The following MAGI2 variants were observed in gnomAD, a reference collection of about 807,000 sequenced individuals.
The protein encoded by MAGI2 is membrane associated guanylate kinase, WW and PDZ domain containing 2, also known as membrane-associated guanylate kinase, WW and PDZ domain-containing protein 2.
In MAGI2, 35 loss-of-function variants were observed where a neutral mutation model predicts 133.3. The ratio of observed to expected loss-of-function variants is 0.26; its 90% CI spans 0.20 to 0.35. The LOEUF is 0.35. Among genes scored for constraint, MAGI2 ranks in the 10% least tolerant of loss-of-function variants. The pLI is 1.00. For missense variants in MAGI2, 1,636 were observed against 1,863.4 expected (o/e 0.88, Z 2.25); for synonymous variants, 729 against 710.6 (o/e 1.03, Z -0.41).
chr7:79,188,993 T>G (rs1462858472), intron 1 of MAGI2, among the ~76,000 whole-genome samples: 7 of 151,868 alleles, frequency 4.6e-5, no homozygotes, highest in Admixed American at 3.3e-4. Flanking sequence ...ATATTTTATG[T>G]GTATGCACAA....
intron 2 of MAGI2, among the ~76,000 whole-genome samples, chr7:78,698,854 A>C (rs1817779965): frequency 6.6e-6 from 1 of 152,118 alleles, no homozygotes; most frequent in African/African-American, 2.4e-5. Flanking sequence ...CATGAGGGTA[A>C]CCACCCCATG....
chr7:79,244,388 C>T (rs1235871288), intron 1 of MAGI2, among the ~76,000 whole-genome samples: 9 of 152,184 alleles, frequency 5.9e-5, no homozygotes, highest in Non-Finnish European at 1.3e-4. Context: ...ATTGCTGACA[C>T]TACCCCTCTC....
intron 4 of MAGI2, among the ~76,000 whole-genome samples, chr7:78,510,269 A>C (rs180761608): frequency 1.6e-4 from 25 of 152,316 alleles, no homozygotes; most frequent in African/African-American, 6.0e-4. Flanking sequence ...TGGGAGGTTG[A>C]ACAAGTTATT....
intron 2 of MAGI2, among the ~76,000 whole-genome samples, chr7:78,811,904 G>A (rs1789096165): frequency 1.3e-5 from 2 of 152,188 alleles, no homozygotes; most frequent in South Asian, 2.1e-4. Flanking sequence ...GCTGGGATGA[G>A]GGAAGTATTC....
intron 1 of MAGI2, among the ~76,000 whole-genome samples, chr7:79,151,054 T>TA (rs1371683023): frequency 3.9e-5 from 6 of 152,190 alleles, no homozygotes; most frequent in African/African-American, 9.6e-5. Flanking sequence ...GCAGACTTTT[T>TA]AAAAAAACAT....
intron 2 of MAGI2, among the ~76,000 whole-genome samples, chr7:78,923,904 T>C (rs957120548): frequency 2.6e-5 from 4 of 152,122 alleles, no homozygotes; most frequent in Admixed American, 2.6e-4. Flanking sequence ...TGAAGAGGTC[T>C]TTCACGTCCC....
intron 16 of MAGI2, among the ~76,000 whole-genome samples, chr7:78,142,137 G>A (rs1822826157): frequency 1.3e-5 from 2 of 152,090 alleles, no homozygotes; most frequent in Admixed American, 1.3e-4. Flanking sequence ...ATGTGACCTG[G>A]GCAGTCACAC....
intron 1 of MAGI2, among the ~76,000 whole-genome samples, chr7:79,031,261 A>T (rs763907327): frequency 9.2e-5 from 14 of 152,148 alleles, no homozygotes; most frequent in Non-Finnish European, 1.8e-4. Context: ...CATGGCATTT[A>T]CCACTATCTA....
At chr7:79,139,430 G>A (rs1159426347) in intron 1 of MAGI2, among the ~76,000 whole-genome samples, 1 of 152,168 alleles carries the variant, frequency 6.6e-6, no homozygotes, top group East Asian at 1.9e-4. Flanking sequence ...GACTCAGGGA[G>A]GTTACACTTG....
chr7:79,097,154 G>A (rs1817587139), intron 1 of MAGI2, among the ~76,000 whole-genome samples: 2 of 152,124 alleles, frequency 1.3e-5, no homozygotes, highest in Admixed American at 1.3e-4. Context: ...AATTGATTCA[G>A]TGAATCCTCA....
At chr7:78,576,042 A>G (rs1802234099) in intron 3 of MAGI2, among the ~76,000 whole-genome samples, 1 of 152,112 alleles carries the variant, frequency 6.6e-6, no homozygotes, top group Non-Finnish European at 1.5e-5. Flanking sequence ...GTACATAAAT[A>G]TAATCTATTC....
At chr7:78,667,189 A>G (rs1813692971) in intron 2 of MAGI2, among the ~76,000 whole-genome samples, 1 of 152,018 alleles carries the variant, frequency 6.6e-6, no homozygotes, top group South Asian at 2.1e-4. Context: ...AATATAGAAC[A>G]TCTTCTTCAC....
At chr7:79,349,395 T>C (rs1417887369) in intron 1 of MAGI2, among the ~76,000 whole-genome samples, 2 of 152,006 alleles carry the variant, frequency 1.3e-5, no homozygotes, top group Non-Finnish European at 2.9e-5. Flanking sequence ...ATTCTACTTC[T>C]TAGGATCTCA....
At chr7:78,649,582 A>G (rs1811326786) in intron 2 of MAGI2, among the ~76,000 whole-genome samples, 3 of 152,066 alleles carry the variant, frequency 2.0e-5, no homozygotes, top group Admixed American at 2.0e-4. Context: ...AAAAATAATA[A>G]AACTATTTTC....
At chr7:78,717,287 A>G (rs1246615271) in intron 2 of MAGI2, among the ~76,000 whole-genome samples, 1 of 151,784 alleles carries the variant, frequency 6.6e-6, no homozygotes, top group Non-Finnish European at 1.5e-5. Context: ...ACACACACAC[A>G]CACAGAGTGA....
intron 18 of MAGI2, among the ~76,000 whole-genome samples, chr7:78,129,935 C>CAA (rs61675652): frequency 0.047 from 2,655 of 56,048 alleles, 103 homozygotes; most frequent in East Asian, 0.068. Flanking sequence ...AACTCCGCCT[C>CAA]AAAAAAAAAA....
chr7:79,171,770 A>ATATATATATATATATATATATTTTTTT, intron 1 of MAGI2, among the ~76,000 whole-genome samples: 5 of 31,222 alleles, frequency 1.6e-4, no homozygotes, highest in Non-Finnish European at 4.4e-4. Flanking sequence ...ATATATATAT[A>ATATATATATATATATATATATTTTTTT]TTTTTTTTTT....
At chr7:78,103,714 T>C (rs1348483693) in intron 20 of MAGI2, among the ~76,000 whole-genome samples, 1 of 152,240 alleles carries the variant, frequency 6.6e-6, no homozygotes, top group East Asian at 1.9e-4. Flanking sequence ...TTTATTCTGG[T>C]ATGTAATGAA....
At chr7:78,661,287 G>A (rs928332701) in intron 2 of MAGI2, among the ~76,000 whole-genome samples, 1 of 152,056 alleles carries the variant, frequency 6.6e-6, no homozygotes, top group Middle Eastern at 3.4e-3. Context: ...ATTTTTATCA[G>A]TTTGGGTGTC....
Sources: allele counts gnomAD v4.1 joint callset (sites outside exome capture counted in the v4.1 genomes callset), GRCh38; gene constraint gnomAD v4.1.1; transcripts MANE v1.5; gene names NCBI Gene and HGNC (gene_info 2026-07-23, HGNC 2026-07-21).